SLC27A5: variants seen among roughly 807,000 people sequenced by gnomAD.
The protein encoded by SLC27A5 is long-chain fatty acid transport protein 5.
In SLC27A5, 47 loss-of-function variants were observed where a neutral mutation model predicts 63.1. The ratio of observed to expected loss-of-function variants is 0.74; its 90% CI spans 0.59 to 0.95. The LOEUF (loss-of-function observed/expected upper bound fraction) is 0.95, where lower values mean the gene tolerates loss of function less well. Ranked by LOEUF, SLC27A5 falls within the 40% of genes least tolerant of loss-of-function variation. The pLI is 0.00. For synonymous variants in SLC27A5, 391 were observed against 403.8 expected (o/e 0.97, Z 0.38); for missense variants, 940 against 921.0 (o/e 1.02, Z -0.27).
chr19:58,510,594 A>G, intron 2 of SLC27A5, 127 bp downstream of exon 2: 2 of 903,380 alleles, frequency 2.2e-6, no homozygotes, highest in Non-Finnish European at 3.2e-6. Context: ...ACAGCCAAAC[A>G]AAAAACAAAT....
At chr19:58,510,113 C>T (rs923758469) in intron 2 of SLC27A5, 108 bp from the exon 3 acceptor site, 10 of 1,153,914 alleles carry the variant, frequency 8.7e-6, no homozygotes, top group Admixed American at 7.2e-5. Context: ...GGGTTTGAGG[C>T]TCTCAGAGAA....
intron 3 of SLC27A5, among the ~76,000 whole-genome samples, chr19:58,503,272 A>G (rs971603339): frequency 4.0e-5 from 6 of 151,726 alleles, no homozygotes; most frequent in Non-Finnish European, 8.8e-5. Context: ...TGGGTGGATG[A>G]ATGAATGAAT....
At chr19:58,498,957 G>T (rs1285345006) in intron 8 of SLC27A5, 42 bp from the exon 9 acceptor site, 5 of 1,596,598 alleles carry the variant, frequency 3.1e-6, no homozygotes, top group Admixed American at 3.4e-5. Flanking sequence ...CCATCTCGAG[G>T]GCCCATAGCT....
chr19:58,500,495 G>A lies in SLC27A5; in HGVS notation c.1377+17C>T. 1 of 1,613,852 alleles carries A rather than the reference G, an allele frequency of 6.2e-7. No homozygotes were observed. ...TCAGCCTCAGGGCAGCTGCACACCA[G>A]GTACCCGCACACTCACTCGGAGGAG... is the stretch of plus-strand genomic sequence containing the variant. On this transcript the variant is annotated intron_variant, in intron 5 of 9. Coordinates refer to ENST00000263093, the MANE Select transcript of SLC27A5 (RefSeq NM_012254.3).
At chr19:58,507,959 T>C (rs1192163745) in intron 3 of SLC27A5, 6 of 152,220 alleles carry the variant, frequency 3.9e-5, no homozygotes, top group African/African-American at 1.4e-4. Flanking sequence ...CAAGACAATA[T>C]GTGCACCACT....
At chr19:58,510,652 A>C in intron 2 of SLC27A5, 69 bp downstream of exon 2, 2 of 1,340,090 alleles carry the variant, frequency 1.5e-6, no homozygotes, top group Non-Finnish European at 2.0e-6. Context: ...ACTGAGTCAC[A>C]AGTCAAGTGT....
Position 58,511,291 on chromosome 19 carries a change from GC to G in SLC27A5, c.664del (p.Ala222ProfsTer94). ...PLAHSVLSSG[A>X]RVLVVDPDLR... The stretch of plus-strand genomic sequence containing the variant: ...ACCTGGGTCCACCACCAGCACCCGG[GC>G]CCCAGAGCTCAGCACAGAGTGCGCC... On this transcript the variant is annotated frameshift_variant, in exon 1 of 10. Transcript: ENST00000263093. LOFTEE classifies it high-confidence loss of function. 1.3e-6 allele frequency: 2 copies of G among 1,554,608 alleles called. No individual in the cohort carries two copies. The highest frequency in any genetic ancestry group is 1.9e-5 in the Admixed American group (1 of 53,840).
chr19:58,499,223 G>T lies in SLC27A5; in HGVS notation c.1668-3C>A. ...TGGACACGTTCTCGCCCTTCCATCT[G>T]CAAGGAGGGAGCCGGCGCTTGTGAC... On this transcript the variant is annotated splice_polypyrimidine_tract_variant and splice_region_variant and intron_variant, in intron 7 of 9. Coordinates refer to ENST00000263093, the MANE Select transcript of SLC27A5 (RefSeq NM_012254.3). The T allele has an allele frequency of 1.9e-6, 3 of 1,613,378 alleles. No individual in the cohort carries two copies. In the South Asian group the frequency reaches 3.3e-5, roughly 18 times the overall value.
rs2053239515 is a variant in SLC27A5, at chr19:58,498,878, T to C, written c.1803A>G (p.Leu601=). The C allele has an allele frequency of 6.2e-7, 1 of 1,613,496 alleles. No homozygotes were observed. The highest frequency in any genetic ancestry group is 8.5e-7 in the Non-Finnish European group (1 of 1,180,012). Reference sequence around the variant, plus strand: ...CCCCGTCGAAAGTCTGGCCGGGGGCTAGCTGCACAGCAGCCATGCCCACCT... The same window carrying C: ...CCCCGTCGAAAGTCTGGCCGGGGGCCAGCTGCACAGCAGCCATGCCCACCT... The part of the protein sequence containing the change: ...EGKVGMAAVQ[L]APGQTFDGEK... Residue 601 remains leucine (L), a synonymous_variant, in exon 9 of 10, where the codon CTA becomes CTG. Transcript: ENST00000263093.
At chr19:58,501,855 T>A (rs1479381700) in intron 3 of SLC27A5, among the ~76,000 whole-genome samples, 4 of 152,266 alleles carry the variant, frequency 2.6e-5, no homozygotes, top group African/African-American at 7.2e-5. Flanking sequence ...TGTACTTTTT[T>A]AAGTACAGAC....
At chr19:58,499,810 A>G in intron 6 of SLC27A5, 120 bp from the exon 7 acceptor site, 2 of 863,648 alleles carry the variant, frequency 2.3e-6, no homozygotes, top group Non-Finnish European at 3.5e-6. Context: ...ACCCAAAGAC[A>G]CAGACAGGGA....
At chr19:58,504,669 A>G (rs1272838430) in intron 3 of SLC27A5, among the ~76,000 whole-genome samples, 1 of 150,594 alleles carries the variant, frequency 6.6e-6, no homozygotes, top group African/African-American at 2.4e-5. Flanking sequence ...CTCTGTCTCA[A>G]AAACAAACAA....
At chr19:58,500,246 C>A in intron 6 of SLC27A5, 93 bp downstream of exon 6, 1 of 1,074,804 alleles carries the variant, frequency 9.3e-7, no homozygotes, top group South Asian at 1.3e-5. Context: ...TAGTGAGCAC[C>A]AACGTCAAGC....
chr19:58,507,271 C>T (rs1057005223), intron 3 of SLC27A5: 2 of 152,278 alleles, frequency 1.3e-5, no homozygotes, highest in African/African-American at 2.4e-5. Flanking sequence ...GCAGAAGAAT[C>T]GCTCACAAGT....
At position 58,498,450 on chromosome 19, in the gene SLC27A5, A is replaced by G; in HGVS notation, c.*65T>C. The G allele has an allele frequency of 6.7e-7, 1 of 1,500,392 alleles. No individual in the cohort carries two copies. Among genetic ancestry groups the G allele is most frequent in the Admixed American group, 2.0e-5 (1 of 51,064 alleles). 92.9% of individuals were successfully genotyped at this position (1,500,392 alleles called of 1,614,324 possible). A position where few individuals can be genotyped will look rare whatever the true frequency, so the allele number is the denominator to read the frequency against. ...TTCACACAGGCCCAGGATGAAAGGG[A>G]CACCGAGTGTGTTGGGGTGGGGGTG... is the stretch of plus-strand genomic sequence containing the variant. On this transcript the variant is annotated 3_prime_UTR_variant, in exon 10 of 10. Coordinates refer to ENST00000263093, the MANE Select transcript of SLC27A5 (RefSeq NM_012254.3).
chr19:58,506,649 CT>C lies in SLC27A5; in HGVS notation c.1057+3197del, dbSNP rs377249164. Among the ~76,000 whole-genome samples, 456 of 141,806 alleles carry C rather than the reference CT, an allele frequency of 3.2e-3. 2 individuals carry two copies. Among genetic ancestry groups the C allele is most frequent in the Middle Eastern group, 7.4e-3 (2 of 272 alleles). The allele number at this position is 141,806 out of a possible 152,430, so 93.0% of individuals were successfully genotyped here. On this transcript the variant is annotated intron_variant, in intron 3 of 9. Transcript: ENST00000263093. ...ATGAGATGTCATCAAACTATTTTCACTTTTTTTTTTTTTTTGCAAGGGAGTT... is the reference window on the plus strand; with the variant it reads ...ATGAGATGTCATCAAACTATTTTCACTTTTTTTTTTTTTTGCAAGGGAGTT...
In SLC27A5 at chr19:58,510,893, C is replaced by A. The variant is rs201757160; in HGVS notation, c.726G>T (p.Leu242=). ...RESLEEILPK[L]QAENIRCFYL... is the part of the protein sequence containing the mutation. ...AGAAGCAGCGGATGTTCTCAGCCTG[C>A]AGCTTGGGAAGGATCTCCTCCAGGC... Residue 242 remains leucine (L), a synonymous_variant, in exon 2 of 10, where the codon CTG becomes CTT. Transcript: ENST00000263093. 3.7e-6 allele frequency: 6 copies of A among 1,611,448 alleles called. No individual in the cohort carries two copies. The highest frequency in any genetic ancestry group is 2.2e-5 in the East Asian group (1 of 44,846).
Position 58,498,600 on chromosome 19 carries a change from A to G in SLC27A5, c.1988T>C (p.Phe663Ser). The change falls in exon 10 of 10, where the codon TTT becomes TCT. Residue 663 changes from phenylalanine (F) to serine (S), a missense_variant. Phe to Ser is a radical substitution (Grantham distance 155). Transcript: ENST00000263093. ...GGACTGGGCCCGGTTGTCCAGTACA[A>G]ACAGAGGGTCAACCACGATCCCCAC... is the stretch of plus-strand genomic sequence containing the variant. ...FNVGIVVDPL[F>S]VLDNRAQSFR... 3.1e-6 allele frequency: 5 copies of G among 1,614,056 alleles called. No individual in the cohort carries two copies. Among genetic ancestry groups the G allele is most frequent in the Non-Finnish European group, 4.2e-6 (5 of 1,179,994 alleles).
At chr19:58,511,196 C>A in intron 1 of SLC27A5, 72 bp downstream of exon 1, 1 of 1,444,406 alleles carries the variant, frequency 6.9e-7, no homozygotes, top group Non-Finnish European at 9.2e-7. Context: ...CTCTGCCAGT[C>A]CCAGCAGAAC....
Sources: allele counts gnomAD v4.1 joint callset (sites outside exome capture counted in the v4.1 genomes callset), GRCh38; gene constraint gnomAD v4.1.1; transcripts MANE v1.5; gene names NCBI Gene and HGNC (gene_info 2026-07-23, HGNC 2026-07-21).